PGCKA1: variants seen among roughly 807,000 people sequenced by gnomAD.
PGCKA1 encodes PDCD10 and GCKIII kinases associated 1, also known as PDCD10 and GCKIII kinases-associated protein 1.
the PGCKA1 span, among the ~76,000 whole-genome samples, chr4:37,490,016 TA>T: frequency 0.095 from 14,350 of 150,424 alleles, 977 homozygotes; most frequent in South Asian, 0.26. Context: ...TTACATAACT[TA>T]AAAAAAAAGA....
At chr4:37,573,840 G>A in the PGCKA1 span, among the ~76,000 whole-genome samples, 7,025 of 152,250 alleles carry the variant, frequency 0.046, 414 homozygotes, top group African/African-American at 0.14. Flanking sequence ...CCTACCAGTA[G>A]TAAATGACTA....
At chr4:37,466,396 G>A in the PGCKA1 span, among the ~76,000 whole-genome samples, 65 of 152,240 alleles carry the variant, frequency 4.3e-4, no homozygotes, top group Non-Finnish European at 7.2e-4. Context: ...ATTCCAAACT[G>A]TCTACGCTGA....
At chr4:37,505,566 C>T in the PGCKA1 span, among the ~76,000 whole-genome samples, 1 of 152,136 alleles carries the variant, frequency 6.6e-6, no homozygotes, top group South Asian at 2.1e-4. Flanking sequence ...GGAGGCCTCA[C>T]AATCATGGTG....
the PGCKA1 span, among the ~76,000 whole-genome samples, chr4:37,536,561 C>T: frequency 6.6e-6 from 1 of 152,108 alleles, no homozygotes; most frequent in Non-Finnish European, 1.5e-5. Flanking sequence ...TGAAAAGGTA[C>T]ACTTCCAAGC....
At chr4:37,501,680 T>G in the PGCKA1 span, among the ~76,000 whole-genome samples, 3 of 152,198 alleles carry the variant, frequency 2.0e-5, no homozygotes, top group Non-Finnish European at 4.4e-5. Flanking sequence ...CAGCATTGCT[T>G]GTCTGAAAAA....
the PGCKA1 span, among the ~76,000 whole-genome samples, chr4:37,498,974 T>C: frequency 6.6e-6 from 1 of 152,204 alleles, no homozygotes; most frequent in Non-Finnish European, 1.5e-5. Context: ...AATAGATGGC[T>C]CTTATTATTT....
At chr4:37,583,865 C>A in the PGCKA1 span, among the ~76,000 whole-genome samples, 3 of 152,134 alleles carry the variant, frequency 2.0e-5, no homozygotes, top group South Asian at 2.1e-4. Flanking sequence ...AAAGAGGAAG[C>A]AAATTTTGAT....
At chr4:37,558,334 C>T in the PGCKA1 span, among the ~76,000 whole-genome samples, 1 of 152,144 alleles carries the variant, frequency 6.6e-6, no homozygotes, top group African/African-American at 2.4e-5. Flanking sequence ...CAAGTCTCCA[C>T]ACTGAAAAGA....
chr4:37,585,192 T>C, the PGCKA1 span, among the ~76,000 whole-genome samples: 3 of 6,418 alleles, frequency 4.7e-4, no homozygotes, highest in African/African-American at 2.3e-3. Context: ...GAGGGGAGGG[T>C]GGAGGAGAGG....
At chr4:37,457,018 C>T in the PGCKA1 span, among the ~76,000 whole-genome samples, 3 of 152,214 alleles carry the variant, frequency 2.0e-5, no homozygotes, top group African/African-American at 7.2e-5. Context: ...ATGTAAGCCA[C>T]ATTTCATTGC....
At chr4:37,582,895 C>T in the PGCKA1 span, among the ~76,000 whole-genome samples, 1 of 152,180 alleles carries the variant, frequency 6.6e-6, no homozygotes, top group Non-Finnish European at 1.5e-5. Context: ...TCCATTGATA[C>T]TTCTTACTGA....
At chr4:37,456,471 C>G in the PGCKA1 span, among the ~76,000 whole-genome samples, 1 of 152,208 alleles carries the variant, frequency 6.6e-6, no homozygotes, top group Admixed American at 6.5e-5. Flanking sequence ...AATTAAAACT[C>G]TGACTCAGTG....
the PGCKA1 span, among the ~76,000 whole-genome samples, chr4:37,461,483 T>C: frequency 6.6e-6 from 1 of 152,008 alleles, no homozygotes; most frequent in African/African-American, 2.4e-5. Flanking sequence ...TTGTGTCCTC[T>C]CTTATTTCCT....
At chr4:37,454,686 C>A in the PGCKA1 span, among the ~76,000 whole-genome samples, 1 of 152,224 alleles carries the variant, frequency 6.6e-6, no homozygotes, top group South Asian at 2.1e-4. Context: ...ATTAGGCAAG[C>A]ATCTCCCAGC....
At chr4:37,538,607 AG>A in the PGCKA1 span, among the ~76,000 whole-genome samples, 1 of 152,222 alleles carries the variant, frequency 6.6e-6, no homozygotes, top group East Asian at 1.9e-4. Flanking sequence ...TTGGAAAAGA[AG>A]GGTTTCTGCC....
At chr4:37,491,404 G>A in the PGCKA1 span, among the ~76,000 whole-genome samples, 3 of 152,106 alleles carry the variant, frequency 2.0e-5, no homozygotes, top group Non-Finnish European at 4.4e-5. Flanking sequence ...TCAGAAATGG[G>A]GCATATGCTC....
At chr4:37,527,762 G>A in the PGCKA1 span, among the ~76,000 whole-genome samples, 12 of 151,766 alleles carry the variant, frequency 7.9e-5, no homozygotes, top group East Asian at 3.9e-4. Context: ...CCCAGGAGGC[G>A]GAGCTTGCAG....
chr4:37,499,893 A>G, the PGCKA1 span, among the ~76,000 whole-genome samples: 1 of 135,364 alleles, frequency 7.4e-6, no homozygotes, highest in South Asian at 2.5e-4. Context: ...TGTGATGTTA[A>G]GTTGTTAAAC....
the PGCKA1 span, among the ~76,000 whole-genome samples, chr4:37,495,706 C>T: frequency 1.1e-4 from 16 of 151,914 alleles, no homozygotes; most frequent in African/African-American, 3.1e-4. Context: ...CCGGGCCTAT[C>T]GGGGTTGGGG....
Sources: allele counts gnomAD v4.1 joint callset (sites outside exome capture counted in the v4.1 genomes callset), GRCh38; gene constraint gnomAD v4.1.1; transcripts MANE v1.5; gene names NCBI Gene and HGNC (gene_info 2026-07-23, HGNC 2026-07-21).